The following RTL4 variants were observed in gnomAD, a reference collection of about 807,000 sequenced individuals.
The protein encoded by RTL4 is retrotransposon Gag like 4, also known as retrotransposon Gag-like protein 4.
A neutral mutation model predicts 5.3 loss-of-function variants in RTL4; 4 were observed. The observed-to-expected ratio is 0.75, with a 90% CI of 0.37 to 1.72. The LOEUF is 1.72. RTL4 is among the 40% of genes most tolerant of loss of function. RTL4 has a pLI of 0.04. For synonymous variants in RTL4, 98 were observed against 87.3 expected (o/e 1.12, Z -0.68); for missense variants, 260 against 227.1 (o/e 1.14, Z -0.93).
chrX:112,178,505 G>A, the RTL4 span, among the ~76,000 whole-genome samples: 1 of 111,903 alleles, frequency 8.9e-6, no homozygotes, highest in African/African-American at 3.2e-5. Flanking sequence ...AACACTAGGG[G>A]AAACTGAGTG....
chrX:112,353,496 T>C, the RTL4 span, among the ~76,000 whole-genome samples: 1 of 111,306 alleles, frequency 9.0e-6, no homozygotes, highest in Non-Finnish European at 1.9e-5. Context: ...TGGAATACCA[T>C]GCAGCCATAA....
chrX:112,210,757 A>G, the RTL4 span, among the ~76,000 whole-genome samples: 2 of 112,222 alleles, frequency 1.8e-5, no homozygotes, highest in South Asian at 3.7e-4. Context: ...AAGGGAAAAA[A>G]GGGGTCTTGT....
the RTL4 span, among the ~76,000 whole-genome samples, chrX:112,428,854 T>C: frequency 0.019 from 2,088 of 111,616 alleles, 17 homozygotes; most frequent in South Asian, 0.026. Flanking sequence ...ACATATACAC[T>C]AAAGATTGCT....
At chrX:112,298,236 A>G in the RTL4 span, among the ~76,000 whole-genome samples, 17 of 112,344 alleles carry the variant, frequency 1.5e-4, no homozygotes, top group African/African-American at 4.2e-4. Context: ...ATTGTCTACT[A>G]TGTGATAGAC....
chrX:112,236,424 TATAGATATAGATCTATATCTATATATAG>T, the RTL4 span, among the ~76,000 whole-genome samples: 1 of 80,018 alleles, frequency 1.2e-5, no homozygotes, highest in Non-Finnish European at 2.3e-5. Context: ...TATATCTATA[TATAGATATAGATCTATATCTATATATAG>T]ATATAGATCT....
the RTL4 span, among the ~76,000 whole-genome samples, chrX:112,358,943 C>A: frequency 3.6e-5 from 4 of 111,450 alleles, 1 homozygote; most frequent in East Asian, 1.1e-3. Context: ...CCAAACTATA[C>A]TGACTAAAAG....
the RTL4 span, among the ~76,000 whole-genome samples, chrX:112,444,957 T>C: frequency 8.9e-6 from 1 of 111,959 alleles, no homozygotes; most frequent in Non-Finnish European, 1.9e-5. Flanking sequence ...AAAAACCAAC[T>C]TTTGGTTTTA....
the RTL4 span, among the ~76,000 whole-genome samples, chrX:112,366,780 T>C: frequency 8.9e-6 from 1 of 112,231 alleles, no homozygotes; most frequent in South Asian, 3.7e-4. Context: ...TCTCTGTGTG[T>C]ACTTGATAAG....
chrX:112,259,589 C>T, the RTL4 span, among the ~76,000 whole-genome samples: 508 of 110,420 alleles, frequency 4.6e-3, 5 homozygotes, highest in African/African-American at 0.016. Context: ...CACACAGTGC[C>T]TGGCACATAA....
the RTL4 span, among the ~76,000 whole-genome samples, chrX:112,190,148 CTTTCT>C: frequency 3.5e-5 from 2 of 57,690 alleles, no homozygotes; most frequent in Non-Finnish European, 6.3e-5. Context: ...CCCTTTCTTT[CTTTCT>C]TTCTTTCTTT....
chrX:112,430,582 G>T, the RTL4 span, among the ~76,000 whole-genome samples: 1 of 111,146 alleles, frequency 9.0e-6, no homozygotes, highest in Admixed American at 9.6e-5. Context: ...TTCACGATGT[G>T]TTATTTTTTT....
chrX:112,361,207 G>C, the RTL4 span, among the ~76,000 whole-genome samples: 7 of 111,230 alleles, frequency 6.3e-5, no homozygotes, highest in East Asian at 2.0e-3. Flanking sequence ...CAGATAAGTT[G>C]CTATTACAAT....
the RTL4 span, chrX:112,319,854 G>C: frequency 8.9e-6 from 1 of 111,876 alleles, no homozygotes; most frequent in Admixed American, 9.5e-5. Flanking sequence ...CTCTTGTATA[G>C]GAGTCATTAC....
At chrX:112,139,876 C>A in the RTL4 span, among the ~76,000 whole-genome samples, 1 of 111,463 alleles carries the variant, frequency 9.0e-6, no homozygotes, top group African/African-American at 3.3e-5. Context: ...CTCACGAGAT[C>A]TGATGGTTTC....
the RTL4 span, among the ~76,000 whole-genome samples, chrX:112,145,384 T>C: frequency 1.8e-4 from 20 of 111,814 alleles, no homozygotes; most frequent in South Asian, 1.5e-3. Context: ...CCTGACTTTC[T>C]CTGGACTAAT....
At chrX:112,137,675 T>A in the RTL4 span, among the ~76,000 whole-genome samples, 30 of 111,623 alleles carry the variant, frequency 2.7e-4, no homozygotes, top group Admixed American at 1.2e-3. Flanking sequence ...GGGATTACAA[T>A]TTGAGATGAG....
At chrX:112,252,036 C>A in the RTL4 span, among the ~76,000 whole-genome samples, 1 of 111,682 alleles carries the variant, frequency 9.0e-6, no homozygotes, top group South Asian at 3.8e-4. Context: ...GCCATCCAAG[C>A]TCTGGGGGAC....
chrX:112,279,664 A>G, the RTL4 span, among the ~76,000 whole-genome samples: 1 of 111,362 alleles, frequency 9.0e-6, no homozygotes, highest in Non-Finnish European at 1.9e-5. Flanking sequence ...TCTCAGAGGA[A>G]TCTCCAGGTT....
chrX:112,417,009 A>G, the RTL4 span, among the ~76,000 whole-genome samples: 2 of 111,921 alleles, frequency 1.8e-5, no homozygotes, highest in Non-Finnish European at 3.8e-5. Flanking sequence ...GGAGGAGGGT[A>G]CATATCAGTG....
Sources: gnomAD v4.1 joint callset for allele counts (sites outside exome capture counted in the v4.1 genomes callset) on GRCh38, gnomAD v4.1.1 for gene constraint, MANE v1.5 for transcripts, NCBI Gene and HGNC (gene_info 2026-07-23, HGNC 2026-07-21) for gene names.